Variants in AKT3 observed in about 807,000 individuals in gnomAD.
The protein encoded by AKT3 is RAC-gamma serine/threonine-protein kinase.
Under a neutral mutation model 65.3 loss-of-function variants are expected in AKT3, and 15 were observed. The observed-to-expected ratio is 0.23, with a 90% CI of 0.15 to 0.35. AKT3 has a LOEUF of 0.35. AKT3 is among the 10% of genes least tolerant of loss of function. AKT3 has a pLI of 1.00. For synonymous variants in AKT3, 206 were observed against 183.8 expected (o/e 1.12, Z -0.98); for missense variants, 243 against 576.5 (o/e 0.42, Z 5.92).
chr1:243,577,699 T>G (rs913448624), intron 8 of AKT3, among the ~76,000 whole-genome samples: 4 of 152,074 alleles, frequency 2.6e-5, no homozygotes, highest in African/African-American at 4.8e-5. Flanking sequence ...AAGTGGGATC[T>G]AATTAAAGAG....
chr1:243,557,058 T>C (rs1673457241), intron 10 of AKT3, among the ~76,000 whole-genome samples: 2 of 152,138 alleles, frequency 1.3e-5, no homozygotes, highest in African/African-American at 4.8e-5. Flanking sequence ...AATACTTGTA[T>C]ACAGTTAACA....
At chr1:243,671,190 G>C (rs1017858222) in intron 3 of AKT3, among the ~76,000 whole-genome samples, 2 of 149,916 alleles carry the variant, frequency 1.3e-5, no homozygotes, top group African/African-American at 4.9e-5. Context: ...CCATTCTCCT[G>C]CCTCAGCCTC....
intron 2 of AKT3, among the ~76,000 whole-genome samples, chr1:243,700,406 C>A (rs1014380899): frequency 8.5e-5 from 13 of 152,082 alleles, no homozygotes; most frequent in Non-Finnish European, 1.5e-4. Flanking sequence ...TTAAAACAAA[C>A]GATCTCAATG....
At chr1:243,586,967 G>A (rs1194568893) in intron 8 of AKT3, among the ~76,000 whole-genome samples, 1 of 151,932 alleles carries the variant, frequency 6.6e-6, no homozygotes, top group Non-Finnish European at 1.5e-5. Flanking sequence ...AAATAAAATG[G>A]AGTATTTATA....
At position 243,515,662 on chromosome 1, in the gene AKT3, T is replaced by C. The variant is rs1670305300; in HGVS notation, c.1252-3236A>G. 2.0e-5 allele frequency among the ~76,000 whole-genome samples: 3 copies of C among 152,224 alleles called. No homozygotes were observed. The South Asian group carries it at 6.2e-4, about 32-fold the overall frequency. On this transcript the variant is annotated intron_variant, in intron 12 of 13. Coordinates refer to ENST00000673466, the MANE Select transcript of AKT3 (RefSeq NM_005465.7). ...AAATTAAACATTTTAGCATATATATTCATTAAGAATATTGGTCTATAGCAT... is the reference window on the plus strand; with the variant it reads ...AAATTAAACATTTTAGCATATATATCCATTAAGAATATTGGTCTATAGCAT...
chr1:243,780,091 G>A (rs78808050), intron 2 of AKT3, among the ~76,000 whole-genome samples: 1 of 151,986 alleles, frequency 6.6e-6, no homozygotes, highest in Non-Finnish European at 1.5e-5. Flanking sequence ...CAAAATTGGT[G>A]GGCCAAAGTT....
chr1:243,705,134 G>A (rs992081390), intron 2 of AKT3, among the ~76,000 whole-genome samples: 1 of 152,184 alleles, frequency 6.6e-6, no homozygotes, highest in Admixed American at 6.5e-5. Flanking sequence ...AATGCATAAT[G>A]CATGAACTTG....
intron 2 of AKT3, among the ~76,000 whole-genome samples, chr1:243,754,806 A>T (rs1689025709): frequency 6.6e-6 from 1 of 152,178 alleles, no homozygotes; most frequent in East Asian, 1.9e-4. Context: ...CCATGAAAGC[A>T]GCCCCCGGTG....
chr1:243,517,093 A>C (rs1670409086), intron 12 of AKT3, among the ~76,000 whole-genome samples: 1 of 151,998 alleles, frequency 6.6e-6, no homozygotes, highest in Non-Finnish European at 1.5e-5. Flanking sequence ...TTCTTCTTTG[A>C]TCCATGGATT....
Position 243,645,915 on chromosome 1 carries a change from G to A in AKT3, c.407C>T (p.Ser136Phe), listed in dbSNP as rs1217463895. Residue 136 changes from serine to phenylalanine, a missense_variant, in exon 5 of 14, where the codon TCT (serine) becomes TTT (phenylalanine). Transcript: ENST00000673466. Reference sequence around the variant, plus strand: ...TACCTTTCTTTTATGATGGGTTGTAGAGGCATCCATCTCTTCCTCTCCTAT... The same window carrying A: ...TACCTTTCTTTTATGATGGGTTGTAAAGGCATCCATCTCTTCCTCTCCTAT... ...DNIGEEEMDASTTHHKRKTMN... is the reference protein window; with the variant it reads ...DNIGEEEMDAFTTHHKRKTMN... The A allele has an allele frequency of 6.2e-7, 1 of 1,611,758 alleles. No individual in the cohort carries two copies. Among genetic ancestry groups the A allele is most frequent in the South Asian group, 1.1e-5 (1 of 90,816 alleles).
chr1:243,740,200 T>TTG (rs1312860352), intron 2 of AKT3, among the ~76,000 whole-genome samples: 8 of 152,148 alleles, frequency 5.3e-5, no homozygotes, highest in Non-Finnish European at 1.0e-4. Context: ...ACTCTCAAGT[T>TTG]TGGAAAATGC....
intron 2 of AKT3, among the ~76,000 whole-genome samples, chr1:243,793,793 G>C (rs983742349): frequency 3.6e-4 from 54 of 149,246 alleles, no homozygotes; most frequent in Non-Finnish European, 7.1e-4. Context: ...AAAAAAAAAG[G>C]GTGAAGAAAA....
At chr1:243,623,291 G>A (rs778556542) in intron 6 of AKT3, among the ~76,000 whole-genome samples, 1 of 152,182 alleles carries the variant, frequency 6.6e-6, no homozygotes, top group African/African-American at 2.4e-5. Flanking sequence ...CAAGGCTCAG[G>A]TAAGCTTCTT....
intron 2 of AKT3, among the ~76,000 whole-genome samples, chr1:243,769,690 C>A (rs1450353859): frequency 6.6e-6 from 1 of 152,128 alleles, no homozygotes; most frequent in Non-Finnish European, 1.5e-5. Flanking sequence ...GGATACTAGG[C>A]CCTTATCAGA....
chr1:243,562,431 C>T (rs887329146), intron 10 of AKT3, among the ~76,000 whole-genome samples: 2 of 152,008 alleles, frequency 1.3e-5, no homozygotes, highest in African/African-American at 2.4e-5. Context: ...TTAAAAATCA[C>T]CAAAGTGTGT....
chr1:243,772,085 C>T (rs1690221528), intron 2 of AKT3, among the ~76,000 whole-genome samples: 1 of 152,020 alleles, frequency 6.6e-6, no homozygotes, highest in Non-Finnish European at 1.5e-5. Context: ...CCATAAAAAC[C>T]CTAGAAGAAA....
intron 11 of AKT3, among the ~76,000 whole-genome samples, chr1:243,548,744 G>T (rs1306567460): frequency 2.0e-5 from 3 of 152,148 alleles, no homozygotes; most frequent in Admixed American, 2.0e-4. Context: ...AATACATGAG[G>T]TCATGCTTTT....
chr1:243,850,906 A>G (rs1176545026), upstream of AKT3: 2 of 151,960 alleles, frequency 1.3e-5, no homozygotes, highest in Non-Finnish European at 2.9e-5. Flanking sequence ...GAGGCCCGGG[A>G]GCGGAGGCTC....
At chr1:243,616,241 A>G (rs1678299297) in intron 6 of AKT3, among the ~76,000 whole-genome samples, 1 of 128,528 alleles carries the variant, frequency 7.8e-6, no homozygotes, top group Non-Finnish European at 1.6e-5. Flanking sequence ...AGTCCACTGT[A>G]TCCTTCTTTT....
Sources: gnomAD v4.1 joint callset for allele counts (sites outside exome capture counted in the v4.1 genomes callset) on GRCh38, gnomAD v4.1.1 for gene constraint, MANE v1.5 for transcripts, NCBI Gene and HGNC (gene_info 2026-07-23, HGNC 2026-07-21) for gene names.